Variants in ST6GALNAC3 observed in about 807,000 individuals in gnomAD.
The protein encoded by ST6GALNAC3 is alpha-N-acetylgalactosaminide alpha-2,6-sialyltransferase 3.
Under a neutral mutation model 32.7 loss-of-function variants are expected in ST6GALNAC3, and 25 were observed. The ratio of observed to expected loss-of-function variants is 0.76; its 90% confidence interval spans 0.56 to 1.07. ST6GALNAC3 has a LOEUF of 1.07. ST6GALNAC3 is among the 50% of genes least tolerant of loss of function. The pLI is 0.00. For missense variants in ST6GALNAC3, 355 were observed against 382.4 expected, an observed-to-expected ratio of 0.93 and a Z score of 0.60; for synonymous variants, 129 against 133.1, an observed-to-expected ratio of 0.97 and a Z score of 0.21.
chr1:76,150,254 G>A lies in ST6GALNAC3; in HGVS notation c.18+75370G>A, dbSNP rs113089142. On this transcript the variant is annotated intron_variant, in intron 1 of 4. Coordinates refer to ENST00000328299, the MANE Select transcript of ST6GALNAC3 (RefSeq NM_152996.4). ...ACCACCCTGGTGGGCTGGCTTTTACGTTGAGTGCTTTGGTGTGAAAAGCAG... is the reference window on the plus strand; with the variant it reads ...ACCACCCTGGTGGGCTGGCTTTTACATTGAGTGCTTTGGTGTGAAAAGCAG... 1.0e-3 allele frequency among the ~76,000 whole-genome samples: 159 copies of A among 152,240 alleles called. 2 individuals carry two copies. Among genetic ancestry groups the A allele is most frequent in the African/African-American group, 3.5e-3 (145 of 41,522 alleles).
At chr1:76,415,885 T>C (rs1370271090) in intron 3 of ST6GALNAC3, among the ~76,000 whole-genome samples, 1 of 152,104 alleles carries the variant, frequency 6.6e-6, no homozygotes, top group African/African-American at 2.4e-5. Flanking sequence ...AAAATCGTTA[T>C]GAGTTCAAAC....
At chr1:76,226,988 G>C (rs996549358) in intron 1 of ST6GALNAC3, among the ~76,000 whole-genome samples, 1 of 152,180 alleles carries the variant, frequency 6.6e-6, no homozygotes, top group Non-Finnish European at 1.5e-5. Flanking sequence ...ATGATAAAAA[G>C]AGAAATATTT....
At chr1:76,334,891 A>G (rs1191836840) in intron 2 of ST6GALNAC3, among the ~76,000 whole-genome samples, 1 of 152,220 alleles carries the variant, frequency 6.6e-6, no homozygotes, top group African/African-American at 2.4e-5. Flanking sequence ...AAGAGCTGGA[A>G]TAATACTAAG....
chr1:76,623,845 A>T (rs781159498), intron 3 of ST6GALNAC3, among the ~76,000 whole-genome samples: 12 of 151,914 alleles, frequency 7.9e-5, no homozygotes, highest in Non-Finnish European at 1.6e-4. Context: ...CGGCTACAAG[A>T]CATTCTGGAG....
intron 1 of ST6GALNAC3, among the ~76,000 whole-genome samples, chr1:76,172,318 G>A (rs556498062): frequency 2.4e-4 from 36 of 152,192 alleles, no homozygotes; most frequent in African/African-American, 8.2e-4. Context: ...CAATAAACTA[G>A]GTGTTGATGG....
intron 2 of ST6GALNAC3, among the ~76,000 whole-genome samples, chr1:76,352,660 C>T (rs1194562891): frequency 1.3e-5 from 2 of 152,068 alleles, no homozygotes; most frequent in Non-Finnish European, 2.9e-5. Flanking sequence ...CCAGCCCTGA[C>T]TCGTACCATG....
intron 3 of ST6GALNAC3, among the ~76,000 whole-genome samples, chr1:76,424,962 A>G (rs1443623378): frequency 1.3e-5 from 2 of 151,984 alleles, no homozygotes; most frequent in African/African-American, 4.8e-5. Flanking sequence ...CAATGCTTAT[A>G]TTCGTAGCTG....
At chr1:76,636,117 C>A (rs934948484), downstream of ST6GALNAC3, among the ~76,000 whole-genome samples, 1 of 152,112 alleles carries the variant, frequency 6.6e-6, no homozygotes, top group African/African-American at 2.4e-5. Context: ...GTACCCACAT[C>A]AGAACCAGAA....
At chr1:76,637,250 G>T (rs1046145904), downstream of ST6GALNAC3, 1 of 152,052 alleles carries the variant, frequency 6.6e-6, no homozygotes, top group Non-Finnish European at 1.5e-5. Context: ...AATTTCTCTA[G>T]AAGTACAACA....
At chr1:76,494,836 A>G (rs2101706121) in intron 3 of ST6GALNAC3, among the ~76,000 whole-genome samples, 1 of 152,114 alleles carries the variant, frequency 6.6e-6, no homozygotes, top group South Asian at 2.1e-4. Context: ...AAGTTCTAAG[A>G]TTTGAAGTCA....
intron 3 of ST6GALNAC3, among the ~76,000 whole-genome samples, chr1:76,460,321 G>A (rs192342265): frequency 3.0e-4 from 45 of 152,066 alleles, no homozygotes; most frequent in Middle Eastern, 6.8e-3. Context: ...AAATTGGGTC[G>A]TTTGTCTTTG....
chr1:76,201,210 A>G (rs1478220580), intron 1 of ST6GALNAC3, among the ~76,000 whole-genome samples: 2 of 152,242 alleles, frequency 1.3e-5, no homozygotes, highest in Non-Finnish European at 2.9e-5. Flanking sequence ...TATAAAGGAA[A>G]GAGGTTTCAT....
At chr1:76,569,661 C>T (rs167556) in intron 3 of ST6GALNAC3, among the ~76,000 whole-genome samples, 2 of 151,844 alleles carry the variant, frequency 1.3e-5, no homozygotes, top group South Asian at 2.1e-4. Context: ...ATTAAGATCT[C>T]GTAGGACAGC....
chr1:76,558,612 A>G (rs1037687769), intron 3 of ST6GALNAC3, among the ~76,000 whole-genome samples: 2 of 152,126 alleles, frequency 1.3e-5, no homozygotes, highest in Non-Finnish European at 2.9e-5. Flanking sequence ...GGAGAATGGG[A>G]GGGGAGGAAG....
chr1:76,615,517 A>G (rs1035865017), intron 3 of ST6GALNAC3, among the ~76,000 whole-genome samples: 1 of 152,230 alleles, frequency 6.6e-6, no homozygotes, highest in Admixed American at 6.5e-5. Context: ...ACATAGGCCT[A>G]AAGTGTTATC....
intron 3 of ST6GALNAC3, among the ~76,000 whole-genome samples, chr1:76,508,138 G>A (rs772657459): frequency 2.0e-5 from 3 of 152,148 alleles, no homozygotes; most frequent in Non-Finnish European, 4.4e-5. Flanking sequence ...CCAGGGACTG[G>A]TTTCATGGAA....
intron 1 of ST6GALNAC3, among the ~76,000 whole-genome samples, chr1:76,192,580 C>T (rs1160778124): frequency 3.3e-5 from 5 of 152,260 alleles, no homozygotes; most frequent in African/African-American, 9.6e-5. Context: ...TTTATCATTC[C>T]GTTGGGGCCT....
chr1:76,562,491 A>T (rs919330836), intron 3 of ST6GALNAC3, among the ~76,000 whole-genome samples: 4 of 152,172 alleles, frequency 2.6e-5, no homozygotes, highest in Admixed American at 6.5e-5. Flanking sequence ...CTACATCATC[A>T]ACACCCACTT....
chr1:76,473,856 C>G (rs1283989989), intron 3 of ST6GALNAC3, among the ~76,000 whole-genome samples: 1 of 151,920 alleles, frequency 6.6e-6, no homozygotes, highest in Non-Finnish European at 1.5e-5. Context: ...CAGGATAAGG[C>G]AAAAGTAGCA....
Sources: gnomAD v4.1 joint callset for allele counts (sites outside exome capture counted in the v4.1 genomes callset) on GRCh38, gnomAD v4.1.1 for gene constraint, MANE v1.5 for transcripts, NCBI Gene and HGNC (gene_info 2026-07-23, HGNC 2026-07-21) for gene names.